Variants in CDH13 observed in about 807,000 individuals in gnomAD.
The protein encoded by CDH13 is cadherin 13.
A neutral mutation model predicts 63.8 loss-of-function variants in CDH13; 24 were observed. The ratio of observed to expected loss-of-function variants is 0.38; its 90% CI spans 0.27 to 0.53. The LOEUF is 0.53. CDH13 is among the 20% of genes least tolerant of loss of function. CDH13 has a pLI of 0.85. For synonymous variants in CDH13, 503 were observed against 355.3 expected (o/e 1.42, Z -4.67); for missense variants, 1,049 against 903.1 (o/e 1.16, Z -2.07).
intron 10 of CDH13, among the ~76,000 whole-genome samples, chr16:83,742,986 T>G (rs1488978904): frequency 6.6e-6 from 1 of 152,080 alleles, no homozygotes; most frequent in Non-Finnish European, 1.5e-5. Flanking sequence ...AGCAGGTGGA[T>G]CGCTTGAGGT....
chr16:83,061,158 G>A (rs969598071), intron 3 of CDH13, among the ~76,000 whole-genome samples: 3 of 152,214 alleles, frequency 2.0e-5, no homozygotes, highest in Admixed American at 6.5e-5. Context: ...CACAGTGGAG[G>A]AGAGTTGGAC....
intron 1 of CDH13, among the ~76,000 whole-genome samples, chr16:82,788,736 C>T (rs1350663608): frequency 1.3e-5 from 2 of 152,194 alleles, no homozygotes; most frequent in African/African-American, 4.8e-5. Flanking sequence ...ATCTTTGGAA[C>T]AAGGTGCTTA....
At chr16:83,437,876 G>C (rs573689514) in intron 6 of CDH13, among the ~76,000 whole-genome samples, 1 of 152,224 alleles carries the variant, frequency 6.6e-6, no homozygotes, top group South Asian at 2.1e-4. Context: ...AAGATTATTT[G>C]TTCCATGTCA....
chr16:82,680,205 G>A (rs1223403754), intron 1 of CDH13, among the ~76,000 whole-genome samples: 1 of 152,196 alleles, frequency 6.6e-6, no homozygotes, highest in Non-Finnish European at 1.5e-5. Context: ...ACCAAGAGAG[G>A]GGAATGTGGG....
chr16:82,935,783 G>T (rs2042648082), intron 2 of CDH13, among the ~76,000 whole-genome samples: 1 of 152,080 alleles, frequency 6.6e-6, no homozygotes, highest in South Asian at 2.1e-4. Context: ...GGGGTTTCTT[G>T]TTGTGTACCA....
chr16:82,798,327 T>G (rs1039244063), intron 1 of CDH13, among the ~76,000 whole-genome samples: 2 of 152,220 alleles, frequency 1.3e-5, no homozygotes, highest in African/African-American at 4.8e-5. Flanking sequence ...CAGGTCTGTC[T>G]GATTTCAGAG....
At chr16:83,207,529 G>C (rs1456841788) in intron 4 of CDH13, among the ~76,000 whole-genome samples, 3 of 152,088 alleles carry the variant, frequency 2.0e-5, no homozygotes, top group African/African-American at 7.2e-5. Context: ...CCATTCATCT[G>C]TTGATGGACA....
At chr16:83,265,727 CTTTTTTTTTT>C (rs71272416) in intron 5 of CDH13, among the ~76,000 whole-genome samples, 4 of 42,542 alleles carry the variant, frequency 9.4e-5, no homozygotes, top group African/African-American at 2.3e-4. Flanking sequence ...TAAATTTCTG[CTTTTTTTTTT>C]TTTTTTTTTT....
At chr16:83,410,570 A>G (rs2092110884) in intron 6 of CDH13, among the ~76,000 whole-genome samples, 1 of 152,146 alleles carries the variant, frequency 6.6e-6, no homozygotes, top group Non-Finnish European at 1.5e-5. Context: ...ATTTTGTATT[A>G]CCATCTTTTG....
chr16:83,661,470 G>A (rs951396723), intron 8 of CDH13, among the ~76,000 whole-genome samples: 11 of 145,366 alleles, frequency 7.6e-5, no homozygotes, highest in African/African-American at 2.3e-4. Context: ...GTGACAGAGC[G>A]AGACCCTGTC....
At chr16:82,628,891 G>A (rs1907679068) in intron 1 of CDH13, among the ~76,000 whole-genome samples, 1 of 152,216 alleles carries the variant, frequency 6.6e-6, no homozygotes, top group Admixed American at 6.5e-5. Flanking sequence ...GAGCTTCCAA[G>A]TTCTCCATTG....
At chr16:83,558,927 C>T (rs947018330) in intron 7 of CDH13, among the ~76,000 whole-genome samples, 2 of 149,284 alleles carry the variant, frequency 1.3e-5, no homozygotes, top group South Asian at 2.2e-4. Flanking sequence ...ATCTGTGGCA[C>T]AAGGGCAGAC....
At chr16:83,120,084 C>T (rs971944407) in intron 3 of CDH13, among the ~76,000 whole-genome samples, 4 of 151,986 alleles carry the variant, frequency 2.6e-5, no homozygotes, top group Admixed American at 1.3e-4. Context: ...AGAGAGTCGA[C>T]ATGCACATGG....
In CDH13 at chr16:82,711,024, A is replaced by C. The variant is rs1412894084; in HGVS notation, c.45+83887A>C. Among the ~76,000 whole-genome samples the C allele has an allele frequency of 2.6e-5, 4 of 151,588 alleles. No individual in the cohort carries two copies. The East Asian group carries it at 7.8e-4, about 29-fold the overall frequency. ...TCATCCATTCATCTCTTCTTGTGCC[A>C]GTGTTACAATATCTAGTAGCTGAAA... On this transcript the variant is annotated intron_variant, in intron 1 of 13. Transcript: ENST00000567109.
intron 1 of CDH13, among the ~76,000 whole-genome samples, chr16:82,718,682 C>T (rs139499338): frequency 0.063 from 9,569 of 152,102 alleles, 324 homozygotes; most frequent in African/African-American, 0.072. Flanking sequence ...TCTCACATGG[C>T]AGCAGACAAG....
At chr16:83,457,825 C>T (rs1291456406) in intron 6 of CDH13, among the ~76,000 whole-genome samples, 2 of 152,188 alleles carry the variant, frequency 1.3e-5, no homozygotes. Flanking sequence ...TTAGGAAAGA[C>T]ATTTGTCTCT....
In CDH13 at chr16:83,046,014, G is replaced by A. The variant is rs141890795; in HGVS notation, c.366+13796G>A. On this transcript the variant is annotated intron_variant, in intron 3 of 13. Coordinates refer to ENST00000567109, the MANE Select transcript of CDH13 (RefSeq NM_001257.5). Reference sequence around the variant, plus strand: ...GTGATGTGTGATAGTTGCCAGGGTGGCATCTGCTGTTGGGCCAGACTGTTG... The same window carrying A: ...GTGATGTGTGATAGTTGCCAGGGTGACATCTGCTGTTGGGCCAGACTGTTG... Among the ~76,000 whole-genome samples, 619 of 152,336 alleles carry A rather than the reference G, an allele frequency of 4.1e-3. 4 individuals are homozygous for A. Among genetic ancestry groups the A allele is most frequent in the African/African-American group, 0.015 (603 of 41,558 alleles).
intron 2 of CDH13, among the ~76,000 whole-genome samples, chr16:83,026,728 A>T (rs1915840263): frequency 6.6e-6 from 1 of 152,174 alleles, no homozygotes; most frequent in South Asian, 2.1e-4. Context: ...CTTTGCATAG[A>T]GCGTAGCACT....
intron 1 of CDH13, among the ~76,000 whole-genome samples, chr16:82,737,723 T>C (rs1365491266): frequency 6.6e-6 from 1 of 152,228 alleles, no homozygotes; most frequent in Non-Finnish European, 1.5e-5. Context: ...ACCTTCCCCA[T>C]ACTTTTTTCT....
Sources: gnomAD v4.1 joint callset for allele counts (sites outside exome capture counted in the v4.1 genomes callset) on GRCh38, gnomAD v4.1.1 for gene constraint, MANE v1.5 for transcripts, NCBI Gene and HGNC (gene_info 2026-07-23, HGNC 2026-07-21) for gene names.